The following SEC24D variants were observed in gnomAD, a reference collection of about 807,000 sequenced individuals.
SEC24D encodes SEC24 homolog D, COPII component.
In SEC24D, 69 loss-of-function variants were observed where a neutral mutation model predicts 116.9. The ratio of observed to expected loss-of-function variants is 0.59; its 90% confidence interval spans 0.49 to 0.72. The LOEUF (loss-of-function observed/expected upper bound fraction) is 0.72, where lower values mean the gene tolerates loss of function less well. Among genes scored for constraint, SEC24D ranks in the 30% least tolerant of loss-of-function variants. The pLI is 0.00. For synonymous variants in SEC24D, 405 were observed against 442.8 expected (o/e 0.91, Z 1.07); for missense variants, 1,131 against 1,264.1 (o/e 0.89, Z 1.60).
intron 10 of SEC24D, among the ~76,000 whole-genome samples, chr4:118,763,092 A>T (rs561146532): frequency 3.3e-5 from 5 of 152,206 alleles, no homozygotes; most frequent in South Asian, 4.1e-4. Context: ...ATGTTGCCCA[A>T]TGATTCTCCT....
chr4:118,803,681 A>G (rs1729548852), intron 7 of SEC24D, among the ~76,000 whole-genome samples: 2 of 152,242 alleles, frequency 1.3e-5, no homozygotes, highest in Non-Finnish European at 2.9e-5. Context: ...AGTTAAGAAC[A>G]CAGGCACTTG....
intron 8 of SEC24D, among the ~76,000 whole-genome samples, chr4:118,788,785 A>C (rs1728762324): frequency 6.6e-6 from 1 of 152,248 alleles, no homozygotes; most frequent in African/African-American, 2.4e-5. Flanking sequence ...ACTGCTGCCA[A>C]GGAACAACTA....
chr4:118,755,091 T>G (rs960060288), intron 11 of SEC24D, among the ~76,000 whole-genome samples: 1 of 152,126 alleles, frequency 6.6e-6, no homozygotes, highest in South Asian at 2.1e-4. Context: ...ACATCCTACA[T>G]TATTGCAAAA....
At chr4:118,748,839 G>T (rs1726674908) in intron 13 of SEC24D, among the ~76,000 whole-genome samples, 1 of 152,030 alleles carries the variant, frequency 6.6e-6, no homozygotes, top group South Asian at 2.1e-4. Context: ...CCCCCATTGA[G>T]ACTACCACCT....
At chr4:118,818,333 C>T (rs1161501521) in intron 3 of SEC24D, among the ~76,000 whole-genome samples, 1 of 152,160 alleles carries the variant, frequency 6.6e-6, no homozygotes, top group Admixed American at 6.6e-5. Flanking sequence ...CTTCTGCCCC[C>T]TACTGCCATT....
chr4:118,793,006 G>A (rs1410414802), intron 8 of SEC24D, among the ~76,000 whole-genome samples: 1 of 152,188 alleles, frequency 6.6e-6, no homozygotes, highest in Non-Finnish European at 1.5e-5. Flanking sequence ...GTTTTTGGAG[G>A]GGATAGGGTA....
At chr4:118,768,945 A>G (rs1157810607) in intron 8 of SEC24D, among the ~76,000 whole-genome samples, 3 of 152,246 alleles carry the variant, frequency 2.0e-5, no homozygotes, top group Non-Finnish European at 2.9e-5. Flanking sequence ...TACTTACGTT[A>G]AAAACATTCT....
At chr4:118,743,356 T>C (rs201478400) in intron 15 of SEC24D, among the ~76,000 whole-genome samples, 3,688 of 143,110 alleles carry the variant, frequency 0.026, 72 homozygotes, top group African/African-American at 0.054. Flanking sequence ...TATATATATA[T>C]ACACACACAC....
At chr4:118,800,202 A>T (rs1386357323) in intron 7 of SEC24D, among the ~76,000 whole-genome samples, 2 of 152,210 alleles carry the variant, frequency 1.3e-5, no homozygotes, top group Non-Finnish European at 2.9e-5. Context: ...TAAAAGAAAG[A>T]TGCGAGAGAA....
At chr4:118,756,690 T>C (rs1050027342) in intron 11 of SEC24D, among the ~76,000 whole-genome samples, 1 of 152,124 alleles carries the variant, frequency 6.6e-6, no homozygotes, top group South Asian at 2.1e-4. Context: ...GGGACTAGGT[T>C]ACAGACAACA....
chr4:118,784,689 T>C (rs1234878021), intron 8 of SEC24D, among the ~76,000 whole-genome samples: 4 of 152,068 alleles, frequency 2.6e-5, no homozygotes, highest in Non-Finnish European at 4.4e-5. Context: ...ATTTTAAAGA[T>C]TTTTAAATCC....
At position 118,817,476 on chromosome 4, in the gene SEC24D, TG is replaced by T. The variant is rs1157305996; in HGVS notation, c.249-65del. On this transcript the variant is annotated intron_variant, in intron 3 of 22. Transcript: ENST00000280551. ...GTCTCAAGCAAATGGCGTACAATAA[TG>T]TTAATAGCTTGTAAAATTAAATTAA... 3.6e-6 allele frequency: 5 copies of T among 1,377,774 alleles called. No individual in the cohort carries two copies. The African/African-American group carries it at 7.3e-5, about 20-fold the overall frequency. The allele number at this position is 1,377,774 out of a possible 1,614,324, so 85.3% of individuals were successfully genotyped here.
chr4:118,749,097 C>A (rs529695383), intron 13 of SEC24D, among the ~76,000 whole-genome samples: 4 of 151,590 alleles, frequency 2.6e-5, no homozygotes, highest in Admixed American at 6.6e-5. Context: ...TGTTCTTTGG[C>A]CAAGTTAAAA....
At chr4:118,737,489 G>A (rs560191003) in intron 19 of SEC24D, among the ~76,000 whole-genome samples, 39 of 152,208 alleles carry the variant, frequency 2.6e-4, no homozygotes, top group Non-Finnish European at 5.6e-4. Context: ...TTACTTTTAG[G>A]TGGGGCTTCA....
At chr4:118,802,789 C>T (rs894692229) in intron 7 of SEC24D, among the ~76,000 whole-genome samples, 7 of 152,086 alleles carry the variant, frequency 4.6e-5, no homozygotes, top group African/African-American at 9.7e-5. Context: ...GATACTTGTA[C>T]GTAAATATCC....
intron 17 of SEC24D, 40 bp downstream of exon 17, chr4:118,740,622 CA>C: frequency 6.2e-7 from 1 of 1,603,968 alleles, no homozygotes; most frequent in Non-Finnish European, 8.5e-7. Flanking sequence ...TTGTCGGCAA[CA>C]AACTAAAATA....
chr4:118,774,132 G>T (rs1037133741), intron 8 of SEC24D, among the ~76,000 whole-genome samples: 1 of 151,476 alleles, frequency 6.6e-6, no homozygotes, highest in Non-Finnish European at 1.5e-5. Flanking sequence ...TTGCTTTTTT[G>T]CATTTTCAGA....
At chr4:118,827,885 G>C (rs1325925118) in intron 2 of SEC24D, among the ~76,000 whole-genome samples, 1 of 152,146 alleles carries the variant, frequency 6.6e-6, no homozygotes, top group Non-Finnish European at 1.5e-5. Context: ...AGAATAGCAT[G>C]CCTTGAATTT....
intron 6 of SEC24D, among the ~76,000 whole-genome samples, chr4:118,810,137 T>TGTGTGTGTGTGTGTG (rs56961502): frequency 1.8e-4 from 19 of 104,390 alleles, no homozygotes; most frequent in South Asian, 3.1e-4. Context: ...TGTGTGTGTG[T>TGTGTGTGTGTGTGTG]CAGAGGGTAT....
Sources: allele counts gnomAD v4.1 joint callset (sites outside exome capture counted in the v4.1 genomes callset), GRCh38; gene constraint gnomAD v4.1.1; transcripts MANE v1.5; gene names NCBI Gene and HGNC (gene_info 2026-07-23, HGNC 2026-07-21).